SLC4A4: variants seen among roughly 807,000 people sequenced by gnomAD.
SLC4A4 encodes solute carrier family 4 member 4, also known as electrogenic sodium bicarbonate cotransporter 1.
In SLC4A4, 27 loss-of-function variants were observed where a neutral mutation model predicts 111.5. That is an observed-to-expected ratio of 0.24 (90% CI 0.18 to 0.33). The LOEUF is 0.33. Among genes scored for constraint, SLC4A4 ranks in the 10% least tolerant of loss-of-function variants. The pLI, the probability that SLC4A4 is intolerant of heterozygous loss-of-function variation, is 1.00. For synonymous variants in SLC4A4, 443 were observed against 463.4 expected (o/e 0.96, Z 0.57); for missense variants, 909 against 1,315.5 (o/e 0.69, Z 4.78).
chr4:71,411,167 T>G (rs940227781), intron 7 of SLC4A4, among the ~76,000 whole-genome samples: 1 of 152,100 alleles, frequency 6.6e-6, no homozygotes, highest in Admixed American at 6.5e-5. Flanking sequence ...ATGTGCCAGG[T>G]TTTCTCCCGT....
At chr4:71,450,695 C>A in intron 10 of SLC4A4, 152 bp downstream of exon 10, 1 of 717,204 alleles carries the variant, frequency 1.4e-6, no homozygotes, top group Non-Finnish European at 2.4e-6. Flanking sequence ...CACTTATGTG[C>A]CTTGGTTTCA....
At chr4:71,519,239 T>G (rs1387636271) in intron 16 of SLC4A4, among the ~76,000 whole-genome samples, 1 of 152,244 alleles carries the variant, frequency 6.6e-6, no homozygotes, top group Non-Finnish European at 1.5e-5. Flanking sequence ...ATGGTCATTT[T>G]AACTTTCTAT....
chr4:71,563,119 C>T (rs936602045), intron 23 of SLC4A4, among the ~76,000 whole-genome samples: 5 of 151,722 alleles, frequency 3.3e-5, no homozygotes, highest in African/African-American at 1.2e-4. Context: ...GATTAGCTGC[C>T]TGGTTTTGTC....
At chr4:71,258,399 T>G (rs2363717) in intron 3 of SLC4A4, among the ~76,000 whole-genome samples, 27,218 of 152,132 alleles carry the variant, frequency 0.18, 2,996 homozygotes, top group East Asian at 0.44. Context: ...TCCCAACGCC[T>G]TATGTTTCCT....
chr4:71,308,512 A>AATC (rs1725871170), intron 3 of SLC4A4, among the ~76,000 whole-genome samples: 1 of 151,990 alleles, frequency 6.6e-6, no homozygotes, highest in Non-Finnish European at 1.5e-5. Context: ...CTGCATTTCC[A>AATC]ACTGAGGTAG....
intron 2 of SLC4A4, among the ~76,000 whole-genome samples, chr4:71,118,152 C>T (rs983131940): frequency 6.6e-6 from 1 of 152,218 alleles, no homozygotes; most frequent in Non-Finnish European, 1.5e-5. Flanking sequence ...GCTGGGATTA[C>T]AGACATGAGC....
chr4:71,453,873 C>T (rs1676607845), intron 12 of SLC4A4, among the ~76,000 whole-genome samples: 1 of 152,070 alleles, frequency 6.6e-6, no homozygotes, highest in Non-Finnish European at 1.5e-5. Flanking sequence ...TGAAATCTGG[C>T]TTGAGTCACA....
chr4:71,325,167 GT>G (rs1727410994), intron 3 of SLC4A4, among the ~76,000 whole-genome samples: 1 of 151,768 alleles, frequency 6.6e-6, no homozygotes, highest in African/African-American at 2.4e-5. Flanking sequence ...TTCTGGATTG[GT>G]TGGGGTAAAG....
At chr4:71,441,978 T>A (rs1390767050) in intron 8 of SLC4A4, among the ~76,000 whole-genome samples, 1 of 152,194 alleles carries the variant, frequency 6.6e-6, no homozygotes, top group Non-Finnish European at 1.5e-5. Context: ...ATCTGTGCAG[T>A]CACCTGGCGA....
At chr4:71,272,294 G>A (rs1722755966) in intron 3 of SLC4A4, among the ~76,000 whole-genome samples, 2 of 152,116 alleles carry the variant, frequency 1.3e-5, no homozygotes, top group Non-Finnish European at 2.9e-5. Flanking sequence ...ATGTGTTGTT[G>A]TTATTGAATA....
At chr4:71,089,588 T>C (rs1013844295) in intron 1 of SLC4A4, among the ~76,000 whole-genome samples, 11 of 151,942 alleles carry the variant, frequency 7.2e-5, no homozygotes, top group Admixed American at 2.0e-4. Context: ...GTGGATGTCC[T>C]TTCTGTTTGT....
intron 15 of SLC4A4, among the ~76,000 whole-genome samples, chr4:71,490,544 T>A (rs926713189): frequency 6.6e-6 from 1 of 151,828 alleles, no homozygotes; most frequent in Non-Finnish European, 1.5e-5. Flanking sequence ...AGCCTTCAGA[T>A]GGCAGATACC....
chr4:71,110,045 C>T (rs964273488), intron 2 of SLC4A4, among the ~76,000 whole-genome samples: 7 of 151,958 alleles, frequency 4.6e-5, no homozygotes, highest in African/African-American at 1.7e-4. Context: ...TCCAAGTTTT[C>T]CCCTGGAAGT....
At chr4:71,460,669 G>A (rs1726737479) in intron 12 of SLC4A4, among the ~76,000 whole-genome samples, 2 of 152,090 alleles carry the variant, frequency 1.3e-5, no homozygotes, top group African/African-American at 4.8e-5. Flanking sequence ...AAAAATGAGG[G>A]TTGTATATCC....
intron 15 of SLC4A4, among the ~76,000 whole-genome samples, chr4:71,493,034 GTTCA>G (rs1447013808): frequency 6.6e-6 from 1 of 151,670 alleles, no homozygotes; most frequent in Non-Finnish European, 1.5e-5. Context: ...GGTTACATTC[GTTCA>G]TTCATGCACT....
chr4:71,423,150 C>G (rs1722728710), intron 7 of SLC4A4, among the ~76,000 whole-genome samples: 1 of 152,152 alleles, frequency 6.6e-6, no homozygotes, highest in African/African-American at 2.4e-5. Context: ...TCTCAGGATA[C>G]AAAGTCAATG....
intron 2 of SLC4A4, among the ~76,000 whole-genome samples, chr4:71,133,654 G>A (rs1410401605): frequency 6.6e-6 from 1 of 152,166 alleles, no homozygotes; most frequent in South Asian, 2.1e-4. Context: ...ACTTCTGCCA[G>A]GTCACAAGGG....
At chr4:71,110,134 G>A (rs1251551665) in intron 2 of SLC4A4, among the ~76,000 whole-genome samples, 2 of 152,068 alleles carry the variant, frequency 1.3e-5, no homozygotes, top group Non-Finnish European at 2.9e-5. Flanking sequence ...TGTCTGGGTG[G>A]GGAAACAGAT....
chr4:71,394,356 T>C (rs1354914121), intron 6 of SLC4A4, among the ~76,000 whole-genome samples: 2 of 151,630 alleles, frequency 1.3e-5, no homozygotes, highest in Non-Finnish European at 2.9e-5. Context: ...GAATAGACGG[T>C]TCTCAAAAGA....
Sources: allele counts gnomAD v4.1 joint callset (sites outside exome capture counted in the v4.1 genomes callset), GRCh38; gene constraint gnomAD v4.1.1; transcripts MANE v1.5; gene names NCBI Gene and HGNC (gene_info 2026-07-23, HGNC 2026-07-21).